Variants in FGF14 observed in about 807,000 individuals in gnomAD.
FGF14 encodes fibroblast growth factor 14.
FGF14 carries 5 observed loss-of-function variants against 25.5 expected under a neutral mutation model. The observed-to-expected ratio is 0.20, with a 90% CI of 0.10 to 0.41. The LOEUF (loss-of-function observed/expected upper bound fraction) is 0.41. Among genes scored for constraint, FGF14 ranks in the 10% least tolerant of loss-of-function variants. The pLI, the probability that FGF14 is intolerant of heterozygous loss-of-function variation, is 1.00. For missense variants in FGF14, 222 were observed against 320.1 expected (o/e 0.69, Z 2.34); for synonymous variants, 138 against 118.3 (o/e 1.17, Z -1.08).
intron 1 of FGF14, among the ~76,000 whole-genome samples, chr13:102,315,481 T>C (rs1465326789): frequency 1.3e-5 from 2 of 152,208 alleles, no homozygotes; most frequent in African/African-American, 4.8e-5. Context: ...CTAAGTTCTC[T>C]GAGAGCCAGC....
chr13:101,783,448 G>A (rs1028482307), intron 3 of FGF14, among the ~76,000 whole-genome samples: 1 of 147,424 alleles, frequency 6.8e-6, no homozygotes, highest in Non-Finnish European at 1.5e-5. Flanking sequence ...CCAGCCTGGT[G>A]ACAGAGCGAG....
Position 101,722,704 on chromosome 13 carries a change from A to G in FGF14, c.*127T>C. 7.6e-7 allele frequency: 1 copy of G among 1,314,758 alleles called. No individual in the cohort carries two copies. Among genetic ancestry groups the G allele is most frequent in the South Asian group, 1.3e-5 (1 of 79,610 alleles). 81.4% of individuals were successfully genotyped at this position (1,314,758 alleles called of 1,614,324 possible). ...ATCCACTTGCAACAGAGAAGTTCGG[A>G]GACAGCAAAGAATAAGCATTAGCTT... On this transcript the variant is annotated 3_prime_UTR_variant, in exon 5 of 5. Coordinates refer to ENST00000376143, the MANE Select transcript of FGF14 (RefSeq NM_004115.4).
In FGF14 at chr13:101,938,148, C is replaced by A. The variant is rs1322709; in HGVS notation, c.209-62852G>T. Among the ~76,000 whole-genome samples the A allele has an allele frequency of 2.6e-5, 4 of 152,118 alleles. No homozygotes were observed. In the South Asian group the frequency reaches 8.3e-4, roughly 31 times the overall value. On this transcript the variant is annotated intron_variant, in intron 1 of 4. Transcript: ENST00000376131. ...TGCCTGCATTGACATCAGTGGGGGT[C>A]GGAATGGTCAACCCATCAAGCCTTC...
intron 1 of FGF14, among the ~76,000 whole-genome samples, chr13:101,906,170 T>C (rs2139029929): frequency 6.6e-6 from 1 of 152,274 alleles, no homozygotes; most frequent in East Asian, 1.9e-4. Flanking sequence ...AGCAAATGCA[T>C]TCAGTCTTCT....
At chr13:102,389,035 T>G (rs1021825638) in intron 1 of FGF14, among the ~76,000 whole-genome samples, 2 of 152,160 alleles carry the variant, frequency 1.3e-5, no homozygotes, top group Non-Finnish European at 2.9e-5. Flanking sequence ...GCCAAGAATA[T>G]GCTTATCTCT....
chr13:102,276,038 G>C (rs1452105407), intron 1 of FGF14, among the ~76,000 whole-genome samples: 1 of 151,864 alleles, frequency 6.6e-6, no homozygotes, highest in African/African-American at 2.4e-5. Context: ...TTTACTTTTA[G>C]GAAGCATTGT....
intron 1 of FGF14, among the ~76,000 whole-genome samples, chr13:101,986,938 G>GCACACACA (rs3064731): frequency 2.0e-5 from 3 of 148,026 alleles, no homozygotes; most frequent in Admixed American, 2.0e-4. Flanking sequence ...GTATGTGCAT[G>GCACACACA]CACACACACA....
At chr13:101,925,806 T>C (rs988681610) in intron 1 of FGF14, among the ~76,000 whole-genome samples, 22 of 152,326 alleles carry the variant, frequency 1.4e-4, no homozygotes, top group African/African-American at 5.3e-4. Context: ...GTTCTGCAGG[T>C]AGACAGTCCC....
intron 1 of FGF14, among the ~76,000 whole-genome samples, chr13:102,092,999 T>C (rs538819790): frequency 2.0e-5 from 3 of 152,318 alleles, no homozygotes; most frequent in Admixed American, 6.5e-5. Flanking sequence ...GTGGTTGATA[T>C]ACATGTGTAT....
intron 1 of FGF14, among the ~76,000 whole-genome samples, chr13:102,188,696 T>C (rs1253610816): frequency 6.6e-6 from 1 of 151,960 alleles, no homozygotes; most frequent in Non-Finnish European, 1.5e-5. Context: ...TCCCAGCACT[T>C]TGGGAGGCTG....
intron 1 of FGF14, among the ~76,000 whole-genome samples, chr13:102,187,232 T>A (rs2048913680): frequency 6.6e-6 from 1 of 152,214 alleles, no homozygotes; most frequent in South Asian, 2.1e-4. Context: ...GAGGCCCAGA[T>A]AACCCAGACA....
At chr13:102,011,016 TA>T (rs1395199339) in intron 1 of FGF14, among the ~76,000 whole-genome samples, 3 of 152,186 alleles carry the variant, frequency 2.0e-5, no homozygotes, top group Admixed American at 1.3e-4. Flanking sequence ...CTATTTTTAA[TA>T]ATGCCATTGT....
chr13:101,715,787 C>T lies in FGF14; in HGVS notation c.*7044G>A, dbSNP rs1021335193. On this transcript the variant is annotated 3_prime_UTR_variant, in exon 5 of 5. Coordinates refer to ENST00000376143, the MANE Select transcript of FGF14 (RefSeq NM_004115.4). Reference sequence around the variant, plus strand: ...TGTATGTTTTTCTATTTCTGAATTACGAATGAAATCCGAGTACCTATTAGA... The same window carrying T: ...TGTATGTTTTTCTATTTCTGAATTATGAATGAAATCCGAGTACCTATTAGA... 6.8e-5 allele frequency: 38 copies of T among 557,764 alleles called. No homozygotes were observed. The highest frequency in any genetic ancestry group is 5.7e-4 in the Admixed American group (19 of 33,100). 34.6% of individuals were successfully genotyped at this position (557,764 alleles called of 1,614,324 possible).
At chr13:101,802,055 T>C in intron 3 of FGF14, 1 of 361,082 alleles carries the variant, frequency 2.8e-6, no homozygotes, top group Non-Finnish European at 5.5e-6. Context: ...TAAGTATAAA[T>C]CTGATAAAAT....
At chr13:102,180,780 C>G (rs2048641613) in intron 1 of FGF14, among the ~76,000 whole-genome samples, 1 of 152,044 alleles carries the variant, frequency 6.6e-6, no homozygotes, top group South Asian at 2.1e-4. Context: ...GAGAAATATA[C>G]ACAGGTAGTT....
intron 2 of FGF14, among the ~76,000 whole-genome samples, chr13:101,873,205 A>G (rs2045209805): frequency 1.3e-5 from 2 of 152,148 alleles, no homozygotes; most frequent in Admixed American, 1.3e-4. Flanking sequence ...ATGCTTTTAA[A>G]AGGCAATGTC....
chr13:102,358,253 A>C (rs2057471172), intron 1 of FGF14, among the ~76,000 whole-genome samples: 1 of 152,206 alleles, frequency 6.6e-6, no homozygotes, highest in Non-Finnish European at 1.5e-5. Flanking sequence ...GGAATACATT[A>C]ATTATATGAA....
intron 1 of FGF14, among the ~76,000 whole-genome samples, chr13:102,291,172 T>G (rs2141263343): frequency 6.6e-6 from 1 of 152,354 alleles, no homozygotes; most frequent in Middle Eastern, 3.4e-3. Flanking sequence ...TTCTAACTTT[T>G]CAGCCACACG....
At chr13:102,022,123 C>G (rs371164970) in intron 1 of FGF14, among the ~76,000 whole-genome samples, 5 of 151,336 alleles carry the variant, frequency 3.3e-5, no homozygotes, top group Admixed American at 2.0e-4. Flanking sequence ...TTAAGCAGCA[C>G]CCCCACCCCC....
Sources: allele counts gnomAD v4.1 joint callset (sites outside exome capture counted in the v4.1 genomes callset), GRCh38; gene constraint gnomAD v4.1.1; transcripts MANE v1.5; gene names NCBI Gene and HGNC (gene_info 2026-07-23, HGNC 2026-07-21).